CSRNP3: variants seen among roughly 807,000 people sequenced by gnomAD.
CSRNP3 encodes the protein cysteine/serine-rich nuclear protein 3.
A neutral mutation model predicts 48.0 loss-of-function variants in CSRNP3; 12 were observed. The ratio of observed to expected loss-of-function variants is 0.25; its 90% confidence interval spans 0.16 to 0.41. The LOEUF is 0.41. Ranked by LOEUF, CSRNP3 falls within the 10% of genes least tolerant of loss-of-function variation. The pLI is 1.00. For synonymous variants in CSRNP3, 263 were observed against 269.7 expected (o/e 0.98, Z 0.24); for missense variants, 580 against 724.4 (o/e 0.80, Z 2.29).
At chr2:165,477,931 C>T (rs1377382400) in intron 1 of CSRNP3, among the ~76,000 whole-genome samples, 4 of 149,898 alleles carry the variant, frequency 2.7e-5, no homozygotes, top group Non-Finnish European at 4.5e-5. Flanking sequence ...GAGCCGAGGT[C>T]ACCTCTTGGC....
At chr2:165,523,323 G>A (rs902550718) in intron 3 of CSRNP3, among the ~76,000 whole-genome samples, 2 of 151,850 alleles carry the variant, frequency 1.3e-5, no homozygotes, top group African/African-American at 2.4e-5. Context: ...AGCCATTCGT[G>A]TTCTTCACAC....
chr2:165,594,926 G>T, intron 3 of CSRNP3, 117 bp from the exon 4 acceptor site: 1 of 710,474 alleles, frequency 1.4e-6, no homozygotes, highest in Non-Finnish European at 2.2e-6. Flanking sequence ...TCCTTTCAAG[G>T]GAAAGCTATA....
At chr2:165,628,742 T>C (rs1394430798) in intron 4 of CSRNP3, among the ~76,000 whole-genome samples, 2 of 151,300 alleles carry the variant, frequency 1.3e-5, no homozygotes, top group African/African-American at 4.9e-5. Context: ...AATAAATCAG[T>C]ATCCTGTGGG....
chr2:165,636,467 T>A (rs1686629788), intron 4 of CSRNP3, among the ~76,000 whole-genome samples: 3 of 152,186 alleles, frequency 2.0e-5, no homozygotes, highest in Non-Finnish European at 4.4e-5. Context: ...TGAGATATTT[T>A]CCCAGTAATA....
At position 165,648,701 on chromosome 2, in the gene CSRNP3, T is replaced by G. The variant is rs568828258; in HGVS notation, c.149-9060T>G. On this transcript the variant is annotated intron_variant, in intron 4 of 6. Transcript: ENST00000651982. The stretch of plus-strand genomic sequence containing the variant: ...TAGTGGGGAAGAGGAGGGGGCGTCC[T>G]TAAAAAATAAAATGTGTGGATGAAC... Among the ~76,000 whole-genome samples, 3 of 152,276 alleles carry G rather than the reference T, an allele frequency of 2.0e-5. No individual in the cohort carries two copies. The South Asian group carries it at 6.2e-4, about 32-fold the overall frequency.
intron 5 of CSRNP3, among the ~76,000 whole-genome samples, chr2:165,662,718 C>T (rs1457555068): frequency 6.6e-6 from 1 of 152,168 alleles, no homozygotes; most frequent in Non-Finnish European, 1.5e-5. Context: ...GATTCTACCA[C>T]CTTGTTCTAA....
intron 4 of CSRNP3, among the ~76,000 whole-genome samples, chr2:165,628,084 G>C (rs16850953): frequency 0.065 from 9,936 of 152,174 alleles, 494 homozygotes; most frequent in African/African-American, 0.14. Flanking sequence ...CCTGTCCAGC[G>C]GAATTGCCAC....
chr2:165,613,372 C>G (rs1686172462), intron 4 of CSRNP3, among the ~76,000 whole-genome samples: 1 of 151,912 alleles, frequency 6.6e-6, no homozygotes, highest in Admixed American at 6.6e-5. Context: ...TTGATTGTTT[C>G]CTTTGTTGTG....
intron 3 of CSRNP3, among the ~76,000 whole-genome samples, chr2:165,524,236 G>A (rs977269953): frequency 2.0e-5 from 3 of 152,080 alleles, no homozygotes; most frequent in Non-Finnish European, 2.9e-5. Flanking sequence ...AGGGAAGGAC[G>A]ATGGCTTATT....
At chr2:165,631,670 A>G (rs959746573) in intron 4 of CSRNP3, among the ~76,000 whole-genome samples, 5 of 152,352 alleles carry the variant, frequency 3.3e-5, no homozygotes, top group Middle Eastern at 3.4e-3. Flanking sequence ...CAATCAGAAC[A>G]TGTCACTATG....
intron 4 of CSRNP3, among the ~76,000 whole-genome samples, chr2:165,612,517 T>G (rs1686155728): frequency 6.6e-6 from 1 of 152,010 alleles, no homozygotes. Context: ...CACTAGAATT[T>G]ATTTCTCCCA....
chr2:165,531,277 T>C (rs1235134603), intron 3 of CSRNP3, among the ~76,000 whole-genome samples: 1 of 152,190 alleles, frequency 6.6e-6, no homozygotes, highest in Non-Finnish European at 1.5e-5. Flanking sequence ...CCTCTTCCCA[T>C]TACCATTTTG....
chr2:165,540,448 A>G (rs1472370933), intron 3 of CSRNP3, among the ~76,000 whole-genome samples: 1 of 152,074 alleles, frequency 6.6e-6, no homozygotes, highest in East Asian at 1.9e-4. Flanking sequence ...CTTTAAAATT[A>G]TCTTAATTCT....
rs1687629016 is a variant in CSRNP3, at chr2:165,686,254, A to G, written c.*6501A>G. The G allele has an allele frequency of 6.6e-6, 1 of 152,102 alleles. No individual in the cohort carries two copies. The highest frequency in any genetic ancestry group is 1.5e-5 in the Non-Finnish European group (1 of 67,980). 9.4% of individuals were successfully genotyped at this position (152,102 alleles called of 1,614,324 possible). A position where few individuals can be genotyped will look rare whatever the true frequency, so the allele number is the denominator to read the frequency against. ...ATCAAGTCCTACTGCCACACTGGAT[A>G]AGGCCACTACCCCCGACCCTTCTTG... On this transcript the variant is annotated 3_prime_UTR_variant, in exon 7 of 7. Coordinates refer to ENST00000651982, the MANE Select transcript of CSRNP3 (RefSeq NM_001172173.2).
At chr2:165,593,764 G>C (rs959412728) in intron 3 of CSRNP3, among the ~76,000 whole-genome samples, 2 of 152,190 alleles carry the variant, frequency 1.3e-5, no homozygotes, top group Admixed American at 1.3e-4. Context: ...TCAGGTGTGA[G>C]TTAGAATCAA....
chr2:165,527,372 A>G (rs1374133692), intron 3 of CSRNP3, among the ~76,000 whole-genome samples: 2 of 151,384 alleles, frequency 1.3e-5, no homozygotes, highest in African/African-American at 2.4e-5. Context: ...CGCCCAGCTA[A>G]TTTTTTGTAT....
chr2:165,635,159 C>T (rs984578360), intron 4 of CSRNP3, among the ~76,000 whole-genome samples: 1 of 152,214 alleles, frequency 6.6e-6, no homozygotes, highest in Non-Finnish European at 1.5e-5. Context: ...AGTGGGAGAG[C>T]TGCCAAAGTG....
At chr2:165,677,952 T>C (rs980830717) in intron 6 of CSRNP3, among the ~76,000 whole-genome samples, 2 of 152,108 alleles carry the variant, frequency 1.3e-5, no homozygotes, top group Non-Finnish European at 2.9e-5. Context: ...TGCCCTTCCT[T>C]CAAGAAGATT....
rs371027505 is a variant in CSRNP3 at position 165,554,163 on chromosome 2, G to T, written c.-24+36202G>T. On this transcript the variant is annotated intron_variant, in intron 3 of 6. Coordinates refer to ENST00000651982, the MANE Select transcript of CSRNP3 (RefSeq NM_001172173.2). The stretch of plus-strand genomic sequence containing the variant: ...TCCCCGCTACTCCTCATTTTTTTAA[G>T]ATGCTCTTTGCTGCCAGGAAACCAC... 1.7e-3 allele frequency among the ~76,000 whole-genome samples: 253 copies of T among 152,124 alleles called. 8 individuals are homozygous for T. The South Asian group carries it at 0.052, about 31-fold the overall frequency.
Sources: gnomAD v4.1 joint callset for allele counts (sites outside exome capture counted in the v4.1 genomes callset) on GRCh38, gnomAD v4.1.1 for gene constraint, MANE v1.5 for transcripts, NCBI Gene and HGNC (gene_info 2026-07-23, HGNC 2026-07-21) for gene names.